The following EML2 variants were observed in gnomAD, a reference collection of about 807,000 sequenced individuals.
The protein encoded by EML2 is echinoderm microtubule-associated protein-like 2.
A neutral mutation model predicts 84.7 loss-of-function variants in EML2; 59 were observed. The observed-to-expected ratio is 0.70, with a 90% CI of 0.56 to 0.86. The LOEUF is 0.86. Among genes scored for constraint, EML2 ranks in the 40% least tolerant of loss-of-function variants. The pLI is 0.00. For synonymous variants in EML2, 352 were observed against 348.9 expected, an observed-to-expected ratio of 1.01 and a Z score of -0.10; for missense variants, 818 against 855.6, an observed-to-expected ratio of 0.96 and a Z score of 0.55.
chr19:45,642,242 C>T (rs1347171677), upstream of EML2: 4 of 1,535,900 alleles, frequency 2.6e-6, no homozygotes, highest in South Asian at 1.2e-5. Context: ...AGAGCATCCG[C>T]CAGCGCCGCC....
chr19:45,616,347 T>C, intron 15 of EML2, 114 bp downstream of exon 15: 1 of 766,212 alleles, frequency 1.3e-6, no homozygotes, highest in Non-Finnish European at 2.1e-6. Flanking sequence ...CTTGCTCTGA[T>C]CAGGGCAGAA....
At chr19:45,633,862 G>C (rs914238718) in intron 4 of EML2, among the ~76,000 whole-genome samples, 1 of 152,150 alleles carries the variant, frequency 6.6e-6, no homozygotes, top group Admixed American at 6.6e-5. Flanking sequence ...CTTCCGCCTT[G>C]GCCTCCCAAA....
intron 3 of EML2, among the ~76,000 whole-genome samples, chr19:45,635,086 T>G (rs1457796547): frequency 6.6e-6 from 1 of 151,862 alleles, no homozygotes; most frequent in African/African-American, 2.4e-5. Flanking sequence ...CCTGACCTCA[T>G]GATCCGCCCG....
chr19:45,639,033 C>A, intron 1 of EML2, 160 bp from the exon 2 acceptor site: 1 of 907,482 alleles, frequency 1.1e-6, no homozygotes, highest in Non-Finnish European at 1.9e-6. Context: ...GTGCTTTGCT[C>A]GGTTGATCTT....
At position 45,609,749 on chromosome 19, in the gene EML2, T is replaced by C; in HGVS notation, c.1864A>G (p.Thr622Ala). 1 of 1,613,358 alleles carries C rather than the reference T, an allele frequency of 6.2e-7. No individual in the cohort carries two copies. Among genetic ancestry groups the C allele is most frequent in the Non-Finnish European group, 8.5e-7 (1 of 1,179,724 alleles). ...HKYGGHSSHVTNVAFLWDDSM... is the reference protein window; with the variant it reads ...HKYGGHSSHVANVAFLWDDSM... ...TCATCCCACAAGAAGGCCACATTTGTCACATGGCTGCTGTGTCCACCGTAC... is the reference window on the plus strand; with the variant it reads ...TCATCCCACAAGAAGGCCACATTTGCCACATGGCTGCTGTGTCCACCGTAC... Residue 622 changes from threonine to alanine, a missense_variant, in exon 19 of 19, where the codon ACA becomes GCA. Transcript: ENST00000245925.
chr19:45,619,437 G>T, intron 11 of EML2: 1 of 307,814 alleles, frequency 3.2e-6, no homozygotes, highest in Non-Finnish European at 6.1e-6. Context: ...TTGCACAATG[G>T]GAGGCAGGAG....
intron 16 of EML2, 100 bp from the exon 17 acceptor site, chr19:45,614,800 G>C (rs1463165058): frequency 1.0e-6 from 1 of 977,868 alleles, no homozygotes; most frequent in African/African-American, 1.6e-5. Context: ...AGACAGAGGA[G>C]GCTAAGGTCC....
At chr19:45,635,888 G>C (rs777513038) in intron 3 of EML2, among the ~76,000 whole-genome samples, 1 of 151,444 alleles carries the variant, frequency 6.6e-6, no homozygotes, top group East Asian at 2.0e-4. Flanking sequence ...CACCGCGCCC[G>C]GGCTATGTCT....
upstream of EML2, chr19:45,641,111 A>G (rs1311056091): frequency 6.5e-6 from 1 of 155,026 alleles, no homozygotes; most frequent in Non-Finnish European, 1.4e-5. Flanking sequence ...CCAACCTTTA[A>G]GCCACGCCCT....
At position 45,616,323 on chromosome 19, in the gene EML2, C is replaced by G. The variant is rs988342850; in HGVS notation, c.1509+138G>C. On this transcript the variant is annotated intron_variant, in intron 15 of 18. Transcript: ENST00000245925. ...ACACACGAGGTGGTGAATGTGTGGA[C>G]GTGGCCAAGACTCCTTGCTCTGATC... 6.3e-6 allele frequency: 4 copies of G among 636,512 alleles called. No homozygotes were observed. In the East Asian group the frequency reaches 1.1e-4, roughly 18 times the overall value. 39.4% of individuals were successfully genotyped at this position (636,512 alleles called of 1,614,324 possible). A position where few individuals can be genotyped will look rare whatever the true frequency, so the allele number is the denominator to read the frequency against.
chr19:45,626,845 G>A lies in EML2; in HGVS notation c.607-6C>T, dbSNP rs376739909. ...AATACAGCCTCATTGGAGCACTTTGGGGGGTGGGGGAGATTCTGAATGAGG... is the reference window on the plus strand; with the variant it reads ...AATACAGCCTCATTGGAGCACTTTGAGGGGTGGGGGAGATTCTGAATGAGG... On this transcript the variant is annotated splice_polypyrimidine_tract_variant and splice_region_variant and intron_variant, in intron 7 of 18. Coordinates refer to ENST00000245925, the MANE Select transcript of EML2 (RefSeq NM_012155.4). 19 of 1,606,792 alleles carry A rather than the reference G, an allele frequency of 1.2e-5. No homozygotes were observed. Among genetic ancestry groups the A allele is most frequent in the South Asian group, 6.6e-5 (6 of 90,564 alleles).
chr19:45,616,280 C>CA, intron 15 of EML2, 181 bp downstream of exon 15: 1 of 577,736 alleles, frequency 1.7e-6, no homozygotes, highest in Non-Finnish European at 3.1e-6. Flanking sequence ...CGGGGCTACA[C>CA]AAAGGGGCGG....
chr19:45,638,037 C>G (rs748860498), intron 3 of EML2, among the ~76,000 whole-genome samples: 1 of 152,184 alleles, frequency 6.6e-6, no homozygotes, highest in Non-Finnish European at 1.5e-5. Flanking sequence ...GTTTCAAACT[C>G]CTGGGTTCAA....
intron 16 of EML2, among the ~76,000 whole-genome samples, chr19:45,615,341 CAA>C (rs67284307): frequency 1.1e-4 from 15 of 135,066 alleles, no homozygotes; most frequent in Non-Finnish European, 1.4e-4. Flanking sequence ...ACTCCCATCT[CAA>C]AAAAAAAAAA....
At chr19:45,645,572 G>T (rs1974977133), upstream of EML2, 2 of 889,486 alleles carry the variant, frequency 2.2e-6, no homozygotes, top group Non-Finnish European at 1.6e-6. Context: ...CTAGGGCCAG[G>T]ATTGGCTGCG....
chr19:45,622,633 G>C (rs1971844117), intron 9 of EML2, among the ~76,000 whole-genome samples: 1 of 152,118 alleles, frequency 6.6e-6, no homozygotes, highest in South Asian at 2.1e-4. Flanking sequence ...GTTTCACTAT[G>C]TTGGCCGGGC....
At chr19:45,639,474 C>T, upstream of EML2, 2 of 1,188,080 alleles carry the variant, frequency 1.7e-6, no homozygotes, top group Middle Eastern at 3.2e-4. Flanking sequence ...GCCCCTGCCC[C>T]GCCCTCCACA....
chr19:45,634,467 C>A lies in EML2; in HGVS notation c.184G>T (p.Gly62Cys), dbSNP rs1483166717. The A allele has an allele frequency of 6.8e-6, 11 of 1,611,530 alleles. 1 individual carries two copies. Among genetic ancestry groups the A allele is most frequent in the South Asian group, 5.5e-5 (5 of 90,738 alleles). The change falls in exon 4 of 19, where the codon GGC becomes TGC. Residue 62 changes from glycine (G) to cysteine (C), a missense_variant. Transcript: ENST00000245925. ...SCRLKLEWVY[G>C]YRGRDCRANL... ...GCCCGGCAGTCTCGGCCACGGTAGCCATAGCTGGAGCCACCCAGGGGCTGG... is the reference window on the plus strand; with the variant it reads ...GCCCGGCAGTCTCGGCCACGGTAGCAATAGCTGGAGCCACCCAGGGGCTGG...
intron 12 of EML2, 58 bp from the exon 13 acceptor site, chr19:45,617,755 C>G: frequency 6.5e-7 from 1 of 1,531,236 alleles, no homozygotes; most frequent in Non-Finnish European, 9.0e-7. Flanking sequence ...TCCATCTGGA[C>G]ATTCTCTTGC....
Sources: allele counts gnomAD v4.1 joint callset (sites outside exome capture counted in the v4.1 genomes callset), GRCh38; gene constraint gnomAD v4.1.1; transcripts MANE v1.5; gene names NCBI Gene and HGNC (gene_info 2026-07-23, HGNC 2026-07-21).